ANKRD62: variants seen among roughly 807,000 people sequenced by gnomAD.
The protein encoded by ANKRD62 is ankyrin repeat domain-containing protein 62.
ANKRD62 carries 61 observed loss-of-function variants against 98.8 expected under a neutral mutation model. The observed-to-expected ratio is 0.62, with a 90% CI of 0.50 to 0.76. ANKRD62 has a LOEUF of 0.76. Among genes scored for constraint, ANKRD62 ranks in the 30% least tolerant of loss-of-function variants. The pLI is 0.00. For missense variants in ANKRD62, 933 were observed against 1,082.9 expected, an observed-to-expected ratio of 0.86 and a Z score of 1.94; for synonymous variants, 341 against 367.9, an observed-to-expected ratio of 0.93 and a Z score of 0.84.
the ANKRD62 span, among the ~76,000 whole-genome samples, chr18:12,136,530 C>T: frequency 6.6e-6 from 1 of 152,134 alleles, no homozygotes; most frequent in Non-Finnish European, 1.5e-5. Context: ...GATGCGGGCT[C>T]TTTTTTGGTT....
intron 6 of ANKRD62, among the ~76,000 whole-genome samples, chr18:12,101,432 C>A (rs1033777945): frequency 1.3e-5 from 2 of 152,150 alleles, no homozygotes; most frequent in African/African-American, 2.4e-5. Flanking sequence ...GCACTCCAAG[C>A]TTTTCTTCCT....
rs574523721 is a variant in ANKRD62 at position 12,102,441 on chromosome 18, G to T, written c.821-717G>T. 64 of 474,412 alleles carry T rather than the reference G, an allele frequency of 1.3e-4. 2 individuals are homozygous for T. The highest frequency in any genetic ancestry group is 1.2e-3 in the South Asian group (61 of 50,956). The allele number at this position is 474,412 out of a possible 1,614,324, so 29.4% of individuals were successfully genotyped here. ...AGAGCTCAGCCTCCTTGGGCACCGC[G>T]AAGGGTACTCAGTCTCCAGAGAACC... On this transcript the variant is annotated intron_variant, in intron 6 of 13. Coordinates refer to ENST00000587848, the MANE Select transcript of ANKRD62 (RefSeq NM_001277333.2).
chr18:12,115,020 T>C, intron 8 of ANKRD62, 68 bp from the exon 9 acceptor site: 1 of 1,210,338 alleles, frequency 8.3e-7, no homozygotes, highest in Non-Finnish European at 1.1e-6. Context: ...ATAAAAAAGT[T>C]TTAGATATTC....
chr18:12,150,304 T>C, the ANKRD62 span, among the ~76,000 whole-genome samples: 2 of 152,176 alleles, frequency 1.3e-5, no homozygotes, highest in African/African-American at 2.4e-5. Flanking sequence ...TATGGGACTA[T>C]ATAAAGAGGC....
At chr18:12,105,117 A>G (rs1407456859) in intron 7 of ANKRD62, among the ~76,000 whole-genome samples, 1 of 152,336 alleles carries the variant, frequency 6.6e-6, no homozygotes, top group East Asian at 1.9e-4. Flanking sequence ...GTGATCCAAC[A>G]AGCCTTTTAG....
At chr18:12,099,560 G>A in intron 5 of ANKRD62, 55 bp from the exon 6 acceptor site, 1 of 1,141,856 alleles carries the variant, frequency 8.8e-7, no homozygotes, top group Non-Finnish European at 1.2e-6. Flanking sequence ...ATTTGGTAAA[G>A]TTTTTCATAT....
the ANKRD62 span, among the ~76,000 whole-genome samples, chr18:12,150,219 T>C: frequency 6.6e-6 from 1 of 152,202 alleles, no homozygotes; most frequent in Admixed American, 6.5e-5. Context: ...GCTTGAAGAC[T>C]GGCTCTCTGA....
In ANKRD62 at chr18:12,125,511, A is replaced by G; in HGVS notation, c.1690A>G (p.Met564Val). Residue 564 changes from methionine (M) to valine (V), a missense_variant, in exon 13 of 14, where the codon ATG (methionine) becomes GTG (valine). This residue lies in a region of ANKRD62 where 362 missense variants were observed against 434.5 expected (regional missense o/e 0.83). Transcript: ENST00000587848. Reference sequence around the variant, plus strand: ...AGACCTGTGGCAGGAAAATCACTTGATGCGGGATGAAATTGCCAGACTCAG... The same window carrying G: ...AGACCTGTGGCAGGAAAATCACTTGGTGCGGGATGAAATTGCCAGACTCAG... The part of the protein sequence containing the change: ...ERDLWQENHL[M>V]RDEIARLRLE... 2 of 1,499,018 alleles carry G rather than the reference A, an allele frequency of 1.3e-6. No individual in the cohort carries two copies. Among genetic ancestry groups the G allele is most frequent in the Non-Finnish European group, 1.8e-6 (2 of 1,134,900 alleles). 92.9% of individuals were successfully genotyped at this position (1,499,018 alleles called of 1,614,324 possible).
chr18:12,100,360 T>C (rs1324494935), intron 6 of ANKRD62, among the ~76,000 whole-genome samples: 1 of 152,186 alleles, frequency 6.6e-6, no homozygotes, highest in Non-Finnish European at 1.5e-5. Context: ...AAGCTCTTCA[T>C]CCTCAGAGTC....
chr18:12,166,556 T>C, the ANKRD62 span, among the ~76,000 whole-genome samples: 1 of 152,106 alleles, frequency 6.6e-6, no homozygotes, highest in Non-Finnish European at 1.5e-5. Flanking sequence ...TTTTTTTTAG[T>C]TTCCTCGAAA....
intron 4 of ANKRD62, among the ~76,000 whole-genome samples, chr18:12,097,351 A>T (rs186284294): frequency 1.2e-4 from 19 of 152,316 alleles, no homozygotes; most frequent in African/African-American, 4.1e-4. Context: ...GCTACTTTAG[A>T]TAAGTGACCT....
chr18:12,099,946 GA>G (rs1244307388), intron 6 of ANKRD62, among the ~76,000 whole-genome samples: 2 of 152,006 alleles, frequency 1.3e-5, no homozygotes, highest in Non-Finnish European at 2.9e-5. Context: ...GTGTAAATAA[GA>G]AAAAAGATTA....
In ANKRD62 at chr18:12,095,487, C is replaced by A. The variant is rs1168013559; in HGVS notation, c.384C>A (p.Gly128=). Residue 128 remains glycine, a synonymous_variant, in exon 3 of 14, where the codon GGC becomes GGA. Transcript: ENST00000587848. Reference sequence around the variant, plus strand: ...GTGCATCCATCCTGCTGGAACATGGCGCCAACCCAAATGTTAGAGATATGT... The same window carrying A: ...GTGCATCCATCCTGCTGGAACATGGAGCCAACCCAAATGTTAGAGATATGT... ...EVCASILLEH[G]ANPNVRDMYG... is the part of the protein sequence containing the mutation. The A allele has an allele frequency of 1.3e-6, 2 of 1,574,764 alleles. No individual in the cohort carries two copies. Among genetic ancestry groups the A allele is most frequent in the Admixed American group, 1.8e-5 (1 of 55,688 alleles).
rs1375398864 is a variant in ANKRD62, at chr18:12,115,508, T to A, written c.1214T>A (p.Ile405Asn). The A allele has an allele frequency of 1.3e-6, 2 of 1,537,530 alleles. No individual in the cohort carries two copies. The highest frequency in any genetic ancestry group is 2.0e-5 in the Admixed American group (1 of 50,932). ...GATGATGAGAATTTTATGTTACTCA[T>A]TGAACAAAGTGGAATGGAGTGTAAA... The part of the protein sequence containing the change: ...YSDDENFMLL[I>N]EQSGMECKDF... Residue 405 changes from isoleucine to asparagine, a missense_variant, in exon 10 of 14, where the codon ATT becomes AAT. Coordinates refer to ENST00000587848, the MANE Select transcript of ANKRD62 (RefSeq NM_001277333.2).
At chr18:12,116,876 C>T (rs534893682) in intron 10 of ANKRD62, among the ~76,000 whole-genome samples, 3 of 152,192 alleles carry the variant, frequency 2.0e-5, no homozygotes, top group African/African-American at 7.2e-5. Flanking sequence ...AATAATGAAT[C>T]TTCCTACTCT....
the ANKRD62 span, among the ~76,000 whole-genome samples, chr18:12,171,104 G>T: frequency 0.012 from 1,755 of 152,172 alleles, 23 homozygotes; most frequent in African/African-American, 0.04. Context: ...TTGCCAGTCT[G>T]TGTCTTTTAA....
At chr18:12,120,161 T>C (rs763185449) in intron 10 of ANKRD62, among the ~76,000 whole-genome samples, 6 of 152,230 alleles carry the variant, frequency 3.9e-5, no homozygotes, top group Non-Finnish European at 8.8e-5. Flanking sequence ...TTGAAAAGCA[T>C]GGTGTTGTTT....
chr18:12,108,880 C>T (rs1909474035), intron 8 of ANKRD62, among the ~76,000 whole-genome samples: 1 of 152,240 alleles, frequency 6.6e-6, no homozygotes, highest in African/African-American at 2.4e-5. Flanking sequence ...CCTAAATGAT[C>T]TCCTTTGACT....
At chr18:12,181,244 AAT>A in the ANKRD62 span, among the ~76,000 whole-genome samples, 6 of 152,228 alleles carry the variant, frequency 3.9e-5, no homozygotes, top group Non-Finnish European at 7.3e-5. Context: ...AATTGTGACC[AAT>A]ATGATTTCAA....
Sources: gnomAD v4.1 joint callset for allele counts (sites outside exome capture counted in the v4.1 genomes callset) on GRCh38, gnomAD v4.1.1 for gene constraint, gnomAD v4.1.1 regional missense constraint, MANE v1.5 for transcripts, NCBI Gene and HGNC (gene_info 2026-07-23, HGNC 2026-07-21) for gene names.